Variants in RERE observed in about 807,000 individuals in gnomAD.
RERE encodes arginine-glutamic acid dipeptide repeats protein.
RERE carries 40 observed loss-of-function variants against 146.1 expected under a neutral mutation model. The observed-to-expected ratio is 0.27, with a 90% CI of 0.21 to 0.36. The LOEUF is 0.36. Among genes scored for constraint, RERE ranks in the 10% least tolerant of loss-of-function variants. RERE has a pLI of 1.00. For missense variants in RERE, 1,933 were observed against 2,138.7 expected (o/e 0.90, Z 1.90); for synonymous variants, 1,003 against 866.0 (o/e 1.16, Z -2.78).
intron 12 of RERE, among the ~76,000 whole-genome samples, chr1:8,415,510 T>G (rs1643735611): frequency 6.6e-6 from 1 of 152,246 alleles, no homozygotes; most frequent in Non-Finnish European, 1.5e-5. Context: ...TAAAGCATTC[T>G]CATGCCATCC....
At chr1:8,770,540 C>T (rs563312908) in intron 1 of RERE, among the ~76,000 whole-genome samples, 1 of 152,288 alleles carries the variant, frequency 6.6e-6, no homozygotes, top group South Asian at 2.1e-4. Flanking sequence ...CTAGCTCTGT[C>T]CTCAGTTTCC....
intron 1 of RERE, among the ~76,000 whole-genome samples, chr1:8,778,027 T>C (rs1437096610): frequency 1.3e-5 from 2 of 152,134 alleles, no homozygotes; most frequent in East Asian, 1.9e-4. Flanking sequence ...CCATCTACCC[T>C]GAAGAATGGG....
chr1:8,598,401 C>A (rs1646581243), intron 4 of RERE, among the ~76,000 whole-genome samples: 2 of 152,176 alleles, frequency 1.3e-5, no homozygotes, highest in African/African-American at 2.4e-5. Flanking sequence ...GCATTCCCGG[C>A]CCTCCAGCAG....
At chr1:8,670,729 A>G (rs1638693007) in intron 1 of RERE, among the ~76,000 whole-genome samples, 1 of 152,146 alleles carries the variant, frequency 6.6e-6, no homozygotes. Context: ...AGGCAACAGC[A>G]AAGGGACATG....
intron 4 of RERE, among the ~76,000 whole-genome samples, chr1:8,577,487 G>C (rs1183071855): frequency 6.6e-6 from 1 of 152,176 alleles, no homozygotes; most frequent in Admixed American, 6.5e-5. Context: ...CATGCCAACA[G>C]TCTGGTGACC....
At chr1:8,677,245 C>G (rs141769463) in intron 1 of RERE, among the ~76,000 whole-genome samples, 1 of 151,966 alleles carries the variant, frequency 6.6e-6, no homozygotes, top group African/African-American at 2.4e-5. Context: ...GCCTGGCCAA[C>G]ATGGTAAAAC....
rs182464341 is a variant in RERE at position 8,552,221 on chromosome 1, A to G, written c.725+4254T>C. 4.6e-5 allele frequency among the ~76,000 whole-genome samples: 7 copies of G among 152,348 alleles called. No homozygotes were observed. The East Asian group carries it at 1.4e-3, about 29-fold the overall frequency. On this transcript the variant is annotated intron_variant, in intron 6 of 22. Coordinates refer to ENST00000400908, the MANE Select transcript of RERE (RefSeq NM_001042681.2). ...CCTTTTGATTCACCATGGCTAAAGG[A>G]TAAAGCTCTCTCTCCTCCTTTATAA...
Position 8,360,264 on chromosome 1 carries a change from C to A in RERE, c.3243G>T (p.Ala1081=), listed in dbSNP as rs748735395. ...SGAAASGGSI[A]GGSSCPLPTV... is the part of the protein sequence containing the mutation. ...TGGGGAGTGGGCAGGACGACCCCCCCGCTATGCTGCCTCCTGAAGCCGCCG... is the reference window on the plus strand; with the variant it reads ...TGGGGAGTGGGCAGGACGACCCCCCAGCTATGCTGCCTCCTGAAGCCGCCG... The change falls in exon 18 of 23, where the codon GCG becomes GCT. Residue 1081 remains alanine, a synonymous_variant. Coordinates refer to ENST00000400908, the MANE Select transcript of RERE (RefSeq NM_001042681.2). 4 of 1,571,906 alleles carry A rather than the reference C, an allele frequency of 2.5e-6. No individual in the cohort carries two copies. Among genetic ancestry groups the A allele is most frequent in the African/African-American group, 1.4e-5 (1 of 73,810 alleles).
At chr1:8,663,111 T>A (rs765611325) in intron 1 of RERE, among the ~76,000 whole-genome samples, 4 of 152,026 alleles carry the variant, frequency 2.6e-5, no homozygotes, top group Non-Finnish European at 5.9e-5. Flanking sequence ...GGGGGTAAAA[T>A]CTATCCAGTT....
In RERE at chr1:8,746,876, AAGAGAGAG is replaced by A. The variant is rs201913344; in HGVS notation, c.-145+70276_-145+70283del. ...AGAGAAGAGAGATGGGGGAACAAAA[AAGAGAGAG>A]AGAGAGAGAGAGAGAAAGGGAGAGG... On this transcript the variant is annotated intron_variant, in intron 1 of 22. Coordinates refer to ENST00000400908, the MANE Select transcript of RERE (RefSeq NM_001042681.2). 4.1e-3 allele frequency among the ~76,000 whole-genome samples: 600 copies of A among 145,388 alleles called. 1 individual carries two copies. The highest frequency in any genetic ancestry group is 0.014 in the African/African-American group (564 of 39,500).
chr1:8,431,062 A>G (rs1025155805), intron 11 of RERE, among the ~76,000 whole-genome samples: 2 of 152,176 alleles, frequency 1.3e-5, no homozygotes, highest in Non-Finnish European at 2.9e-5. Context: ...GTGCAGGCTT[A>G]TTACCCTTAC....
At chr1:8,695,118 TA>T (rs1175830527) in intron 1 of RERE, among the ~76,000 whole-genome samples, 1 of 149,890 alleles carries the variant, frequency 6.7e-6, no homozygotes, top group African/African-American at 2.5e-5. Context: ...AATAAAGTCA[TA>T]AACCTACAGC....
intron 4 of RERE, among the ~76,000 whole-genome samples, chr1:8,605,721 G>A (rs1392827216): frequency 9.1e-6 from 1 of 109,462 alleles, no homozygotes; most frequent in African/African-American, 3.8e-5. Flanking sequence ...CTCCATCCTG[G>A]GCAACAGAGC....
intron 1 of RERE, among the ~76,000 whole-genome samples, chr1:8,766,987 T>C (rs1640861949): frequency 6.6e-6 from 1 of 152,212 alleles, no homozygotes; most frequent in African/African-American, 2.4e-5. Flanking sequence ...TATCAAAAAC[T>C]GCATTATTTT....
intron 8 of RERE, among the ~76,000 whole-genome samples, chr1:8,502,046 G>GCC (rs1376277572): frequency 1.1e-5 from 1 of 90,110 alleles, no homozygotes; most frequent in Non-Finnish European, 2.3e-5. Flanking sequence ...GGGGGGGTCA[G>GCC]CCCCCCGCCT....
intron 4 of RERE, among the ~76,000 whole-genome samples, chr1:8,558,378 A>G (rs1646031848): frequency 2.0e-5 from 3 of 152,206 alleles, no homozygotes. Flanking sequence ...AAATAGCTCA[A>G]CAGGGAGTGC....
chr1:8,446,621 A>G (rs753056636), intron 11 of RERE, among the ~76,000 whole-genome samples: 1 of 152,158 alleles, frequency 6.6e-6, no homozygotes, highest in Non-Finnish European at 1.5e-5. Context: ...AGGCACACCA[A>G]TCAAACGTAG....
chr1:8,591,544 G>A (rs540326112), intron 4 of RERE, among the ~76,000 whole-genome samples: 4 of 152,000 alleles, frequency 2.6e-5, no homozygotes, highest in Middle Eastern at 6.8e-3. Context: ...AATGAACCCT[G>A]CCCTAACATG....
intron 11 of RERE, among the ~76,000 whole-genome samples, chr1:8,464,040 T>TA (rs1644562636): frequency 6.6e-6 from 1 of 152,276 alleles, no homozygotes. Flanking sequence ...AGGCTTACAG[T>TA]AAAAAAACAG....
Sources: allele counts gnomAD v4.1 joint callset (sites outside exome capture counted in the v4.1 genomes callset), GRCh38; gene constraint gnomAD v4.1.1; transcripts MANE v1.5; gene names NCBI Gene and HGNC (gene_info 2026-07-23, HGNC 2026-07-21).